The following CNTN3 variants were observed in gnomAD, a reference collection of about 807,000 sequenced individuals.
CNTN3 encodes the protein contactin-3.
In CNTN3, 60 loss-of-function variants were observed where a neutral mutation model predicts 119.1. The observed-to-expected ratio is 0.50, with a 90% CI of 0.41 to 0.62. CNTN3 has a LOEUF of 0.62. Ranked by LOEUF, CNTN3 falls within the 20% of genes least tolerant of loss-of-function variation. The probability of loss-of-function intolerance (pLI) is 0.00; values close to 1 mark genes in which losing one functional copy is unlikely to be tolerated. For missense variants in CNTN3, 1,101 were observed against 1,242.4 expected (o/e 0.89, Z 1.71); for synonymous variants, 450 against 438.7 (o/e 1.03, Z -0.32).
At chr3:74,363,435 T>C (rs1013219295) in intron 10 of CNTN3, among the ~76,000 whole-genome samples, 2 of 152,258 alleles carry the variant, frequency 1.3e-5, no homozygotes, top group East Asian at 3.9e-4. Flanking sequence ...TACCACACAC[T>C]GGTCCTCTAC....
intron 13 of CNTN3, among the ~76,000 whole-genome samples, chr3:74,312,141 A>G (rs2106641282): frequency 6.6e-6 from 1 of 152,138 alleles, no homozygotes; most frequent in East Asian, 1.9e-4. Context: ...GATACATTAG[A>G]ACATTCTGTT....
chr3:74,376,087 C>T (rs887182897), intron 5 of CNTN3, among the ~76,000 whole-genome samples: 2 of 152,110 alleles, frequency 1.3e-5, no homozygotes, highest in African/African-American at 4.8e-5. Context: ...CGGGCAGCCT[C>T]TAGAAACTGC....
rs184124032 is a variant in CNTN3 at position 74,445,207 on chromosome 3, T to C, written c.359-20267A>G. Among the ~76,000 whole-genome samples, 316 of 152,316 alleles carry C rather than the reference T, an allele frequency of 2.1e-3. 1 individual carries two copies. Among genetic ancestry groups the C allele is most frequent in the African/African-American group, 7.2e-3 (298 of 41,566 alleles). ...CAATGCAACACTTTCTAAAATTTCA[T>C]AGTCTTCTGACAATAACATATAGAA... On this transcript the variant is annotated intron_variant, in intron 4 of 22. Coordinates refer to ENST00000263665, the MANE Select transcript of CNTN3 (RefSeq NM_020872.3).
chr3:74,571,046 C>A (rs1704325141), intron 1 of CNTN3, among the ~76,000 whole-genome samples: 1 of 152,158 alleles, frequency 6.6e-6, no homozygotes, highest in Non-Finnish European at 1.5e-5. Context: ...AGAACCACCA[C>A]AGTGCATTTG....
At chr3:74,588,847 C>A (rs940230039) in intron 1 of CNTN3, among the ~76,000 whole-genome samples, 26 of 152,076 alleles carry the variant, frequency 1.7e-4, no homozygotes, top group African/African-American at 2.4e-4. Context: ...GAAAAACAAG[C>A]AATGGGGAAA....
intron 10 of CNTN3, among the ~76,000 whole-genome samples, chr3:74,362,890 G>C (rs1294206579): frequency 6.6e-6 from 1 of 152,128 alleles, no homozygotes; most frequent in African/African-American, 2.4e-5. Context: ...TGTGATTGTG[G>C]TAAAGAAAAC....
rs545244232 is a variant in CNTN3 at position 74,595,287 on chromosome 3, C to G, written c.-81+19104G>C. ...TAGTTTCTTTTGCTGTGCAGAAGCT[C>G]TTTAGTTTAATTAGATCCCATTTGT... On this transcript the variant is annotated intron_variant, in intron 1 of 22. Transcript: ENST00000263665. 6.9e-3 allele frequency among the ~76,000 whole-genome samples: 1,040 copies of G among 151,478 alleles called. 9 individuals are homozygous for G. The highest frequency in any genetic ancestry group is 0.021 in the South Asian group (103 of 4,796).
chr3:74,372,237 C>A (rs1288610256), intron 5 of CNTN3, among the ~76,000 whole-genome samples: 1 of 152,078 alleles, frequency 6.6e-6, no homozygotes, highest in Admixed American at 6.6e-5. Context: ...ATGAAACACT[C>A]AAAGGCACTT....
intron 1 of CNTN3, among the ~76,000 whole-genome samples, chr3:74,525,179 C>T (rs1274396807): frequency 6.6e-6 from 1 of 151,772 alleles, no homozygotes; most frequent in Non-Finnish European, 1.5e-5. Context: ...ATGTTACTCT[C>T]ACCCACAAAT....
At chr3:74,374,905 C>T (rs558838654) in intron 5 of CNTN3, among the ~76,000 whole-genome samples, 1 of 152,258 alleles carries the variant, frequency 6.6e-6, no homozygotes, top group African/African-American at 2.4e-5. Flanking sequence ...ACTGGACTTA[C>T]ATTCTTGAAC....
chr3:74,397,219 G>C (rs1335584360), intron 5 of CNTN3, among the ~76,000 whole-genome samples: 2 of 152,146 alleles, frequency 1.3e-5, no homozygotes, highest in African/African-American at 4.8e-5. Context: ...AAACATGGGT[G>C]AGAGTATTTG....
chr3:74,472,581 G>A (rs918018244), intron 4 of CNTN3, among the ~76,000 whole-genome samples: 5 of 152,134 alleles, frequency 3.3e-5, no homozygotes, highest in Non-Finnish European at 7.4e-5. Context: ...AAAATACACA[G>A]GCTGAGAAGT....
chr3:74,342,772 T>C (rs143651245), intron 11 of CNTN3, among the ~76,000 whole-genome samples: 6 of 152,274 alleles, frequency 3.9e-5, no homozygotes, highest in African/African-American at 7.2e-5. Context: ...CTCAAATCAA[T>C]AGAAGAAAAG....
chr3:74,460,031 T>C (rs1473121016), intron 4 of CNTN3, among the ~76,000 whole-genome samples: 1 of 152,070 alleles, frequency 6.6e-6, no homozygotes, highest in Admixed American at 6.6e-5. Context: ...CTTCCTCCAA[T>C]GAAATGTCTC....
chr3:74,268,886 T>C (rs189253175), intron 20 of CNTN3, among the ~76,000 whole-genome samples: 372 of 152,182 alleles, frequency 2.4e-3, no homozygotes, highest in Middle Eastern at 6.8e-3. Context: ...GTTTGGAGGT[T>C]ACAAAAAGTT....
intron 1 of CNTN3, among the ~76,000 whole-genome samples, chr3:74,558,982 C>CAATAATAATAATAATAAT (rs60508507): frequency 0.035 from 5,041 of 143,022 alleles, 287 homozygotes; most frequent in African/African-American, 0.11. Flanking sequence ...GACCCTGTCT[C>CAATAATAATAATAATAAT]AATAATAATA....
At chr3:74,309,888 C>G (rs1702643999) in intron 13 of CNTN3, among the ~76,000 whole-genome samples, 1 of 152,174 alleles carries the variant, frequency 6.6e-6, no homozygotes, top group Non-Finnish European at 1.5e-5. Flanking sequence ...AAGCACAAGG[C>G]TCATTTCCTT....
intron 13 of CNTN3, among the ~76,000 whole-genome samples, chr3:74,325,924 A>G (rs1335954245): frequency 6.6e-6 from 1 of 152,158 alleles, no homozygotes; most frequent in Non-Finnish European, 1.5e-5. Flanking sequence ...ATGACGAGGC[A>G]TCATTACTTG....
intron 1 of CNTN3, among the ~76,000 whole-genome samples, chr3:74,521,648 C>G (rs1024342137): frequency 1.1e-4 from 16 of 151,838 alleles, no homozygotes; most frequent in African/African-American, 3.6e-4. Flanking sequence ...TATCAATGTC[C>G]ATCTTAGACC....
Sources: gnomAD v4.1 joint callset for allele counts (sites outside exome capture counted in the v4.1 genomes callset) on GRCh38, gnomAD v4.1.1 for gene constraint, MANE v1.5 for transcripts, NCBI Gene and HGNC (gene_info 2026-07-23, HGNC 2026-07-21) for gene names.